The following CPQ variants were observed in gnomAD, a reference collection of about 807,000 sequenced individuals.
CPQ encodes the protein carboxypeptidase Q.
CPQ carries 37 observed loss-of-function variants against 45.7 expected under a neutral mutation model. The observed-to-expected ratio is 0.81, with a 90% CI of 0.62 to 1.07. The LOEUF (loss-of-function observed/expected upper bound fraction) is 1.07, where lower values mean the gene tolerates loss of function less well. Ranked by LOEUF, CPQ falls within the 50% of genes least tolerant of loss-of-function variation. The pLI, the probability that CPQ is intolerant of heterozygous loss-of-function variation, is 0.00. For missense variants in CPQ, 537 were observed against 572.9 expected, an observed-to-expected ratio of 0.94 and a Z score of 0.64; for synonymous variants, 186 against 205.8, an observed-to-expected ratio of 0.90 and a Z score of 0.82.
intron 2 of CPQ, among the ~76,000 whole-genome samples, chr8:96,795,375 G>A (rs539805245): frequency 6.6e-6 from 1 of 152,192 alleles, no homozygotes; most frequent in South Asian, 2.1e-4. Flanking sequence ...CTGCCCCCAT[G>A]ATTCAATTAC....
At chr8:96,824,355 T>G (rs1811350942) in intron 2 of CPQ, among the ~76,000 whole-genome samples, 1 of 152,050 alleles carries the variant, frequency 6.6e-6, no homozygotes, top group Non-Finnish European at 1.5e-5. Flanking sequence ...TAATACATGT[T>G]AAGATCTTTG....
At chr8:97,124,101 C>T (rs1811802993) in intron 7 of CPQ, among the ~76,000 whole-genome samples, 2 of 151,634 alleles carry the variant, frequency 1.3e-5, no homozygotes, top group South Asian at 2.1e-4. Context: ...TGGTGGACAC[C>T]TGTAATCCCA....
chr8:96,715,578 GAGA>G lies in CPQ; in HGVS notation c.-34-69280_-34-69278del, dbSNP rs948933436. On this transcript the variant is annotated intron_variant, in intron 1 of 7. Transcript: ENST00000220763. ...TGTATCTGCAATGGTGGATGAGGGG[GAGA>G]AGAAGTCCCCTTCTCCAAGACCCTT... is the stretch of plus-strand genomic sequence containing the variant. 4.6e-4 allele frequency among the ~76,000 whole-genome samples: 70 copies of G among 152,288 alleles called. 1 individual carries two copies. The highest frequency in any genetic ancestry group is 1.6e-3 in the African/African-American group (68 of 41,564).
rs5893410 is a variant in CPQ at position 97,101,572 on chromosome 8, CTTTT to C, written c.1255+35378_1255+35381del. Among the ~76,000 whole-genome samples the C allele has an allele frequency of 2.5e-3, 287 of 114,228 alleles. 2 individuals carry two copies. Among genetic ancestry groups the C allele is most frequent in the Non-Finnish European group, 3.2e-3 (181 of 56,840 alleles). 74.9% of individuals were successfully genotyped at this position (114,228 alleles called of 152,430 possible). A position where few individuals can be genotyped will look rare whatever the true frequency, so the allele number is the denominator to read the frequency against. On this transcript the variant is annotated intron_variant, in intron 7 of 7. Coordinates refer to ENST00000220763, the MANE Select transcript of CPQ (RefSeq NM_016134.4). ...CCAACTGAGTCTTTTTTTCTTTTTT[CTTTT>C]TTTTTTTTTTTTTTTGCCTTTTGAC...
Position 96,785,333 on chromosome 8 carries a change from A to G in CPQ, c.433+3A>G, listed in dbSNP as rs781467482. 2 of 1,576,954 alleles carry G rather than the reference A, an allele frequency of 1.3e-6. No homozygotes were observed. Among genetic ancestry groups the G allele is most frequent in the South Asian group, 1.1e-5 (1 of 87,222 alleles). On this transcript the variant is annotated splice_donor_region_variant and intron_variant, in intron 2 of 7. Coordinates refer to ENST00000220763, the MANE Select transcript of CPQ (RefSeq NM_016134.4). ...CAGCATTGGGACTCCTCCAGAAGGT[A>G]TTGTTTGTCTTTTCAGTTTGATTTG...
At chr8:96,940,555 G>C (rs559436060) in intron 4 of CPQ, among the ~76,000 whole-genome samples, 7 of 152,160 alleles carry the variant, frequency 4.6e-5, no homozygotes, top group South Asian at 2.1e-4. Context: ...AATTATTACT[G>C]TGTAGCCTGC....
In CPQ at chr8:97,100,943, G is replaced by C. The variant is rs1409956845; in HGVS notation, c.1255+34733G>C. ...TAGAAATAATTTTACAGTTCAATTT[G>C]TGTGATTAAATTATTGTATATTATA... On this transcript the variant is annotated intron_variant, in intron 7 of 7. Coordinates refer to ENST00000220763, the MANE Select transcript of CPQ (RefSeq NM_016134.4). Among the ~76,000 whole-genome samples, 3 of 152,108 alleles carry C rather than the reference G, an allele frequency of 2.0e-5. No homozygotes were observed. In the East Asian group the frequency reaches 5.8e-4, roughly 29 times the overall value.
chr8:97,048,982 C>T (rs1810308850), intron 6 of CPQ, among the ~76,000 whole-genome samples: 1 of 152,116 alleles, frequency 6.6e-6, no homozygotes, highest in Non-Finnish European at 1.5e-5. Flanking sequence ...TTCACTTGTA[C>T]ACAAAGCTGC....
intron 1 of CPQ, among the ~76,000 whole-genome samples, chr8:96,774,368 G>C: frequency 6.6e-6 from 1 of 152,132 alleles, no homozygotes; most frequent in Non-Finnish European, 1.5e-5. Context: ...AAATAGTGGG[G>C]AAACAGATGT....
intron 2 of CPQ, among the ~76,000 whole-genome samples, chr8:96,803,402 C>T (rs1586407110): frequency 6.6e-6 from 1 of 152,062 alleles, no homozygotes; most frequent in South Asian, 2.1e-4. Flanking sequence ...TTAATGGCTT[C>T]AGAAGTGGAG....
At chr8:96,803,348 A>G (rs978161357) in intron 2 of CPQ, among the ~76,000 whole-genome samples, 4 of 152,232 alleles carry the variant, frequency 2.6e-5, no homozygotes, top group African/African-American at 7.2e-5. Context: ...GAATAAGAGA[A>G]AGACTGAAGA....
intron 2 of CPQ, among the ~76,000 whole-genome samples, chr8:96,818,429 T>C (rs2130834763): frequency 6.6e-6 from 1 of 152,126 alleles, no homozygotes; most frequent in Non-Finnish European, 1.5e-5. Flanking sequence ...ATTACCTAAA[T>C]GTGACACAGA....
intron 1 of CPQ, among the ~76,000 whole-genome samples, chr8:96,775,242 A>G (rs1185739245): frequency 6.6e-6 from 1 of 152,186 alleles, no homozygotes; most frequent in African/African-American, 2.4e-5. Context: ...TTAAAAACAA[A>G]TAATTTGTAA....
At chr8:96,777,741 TA>T in intron 1 of CPQ, among the ~76,000 whole-genome samples, 5 of 11,026 alleles carry the variant, frequency 4.5e-4, no homozygotes, top group African/African-American at 1.6e-3. Context: ...TATATATATA[TA>T]TATATATATA....
At chr8:97,029,125 C>CCCTGTGAATGAGAATGCACTGGT (rs1809850338) in intron 5 of CPQ, among the ~76,000 whole-genome samples, 1 of 152,120 alleles carries the variant, frequency 6.6e-6, no homozygotes, top group African/African-American at 2.4e-5. Flanking sequence ...TTCTGCTGGG[C>CCCTGTGAATGAGAATGCACTGGT]AGGATATCAA....
intron 3 of CPQ, among the ~76,000 whole-genome samples, chr8:96,877,778 C>T (rs1202690352): frequency 6.6e-6 from 1 of 152,108 alleles, no homozygotes; most frequent in African/African-American, 2.4e-5. Flanking sequence ...ATCTTAGTTG[C>T]AAAGAATGCT....
In CPQ at chr8:96,771,861, T is replaced by C. The variant is rs139514838; in HGVS notation, c.-34-13003T>C. On this transcript the variant is annotated intron_variant, in intron 1 of 7. Coordinates refer to ENST00000220763, the MANE Select transcript of CPQ (RefSeq NM_016134.4). ...ATATTGCCTGCCTATGTTCACTTAC[T>C]ACTACATTTTTAGCAGGCATGAGTA... is the stretch of plus-strand genomic sequence containing the variant. Among the ~76,000 whole-genome samples, 982 of 152,220 alleles carry C rather than the reference T, an allele frequency of 6.5e-3. 14 individuals are homozygous for C. The highest frequency in any genetic ancestry group is 0.022 in the African/African-American group (908 of 41,536).
intron 2 of CPQ, among the ~76,000 whole-genome samples, chr8:96,809,651 T>C (rs1811133440): frequency 6.6e-6 from 1 of 152,154 alleles, no homozygotes; most frequent in African/African-American, 2.4e-5. Context: ...ATTCTATCTC[T>C]TGATTGTGGT....
chr8:97,115,403 C>G (rs1424700433), intron 7 of CPQ, among the ~76,000 whole-genome samples: 2 of 152,164 alleles, frequency 1.3e-5, no homozygotes, highest in African/African-American at 4.8e-5. Context: ...GTTAGTGGGC[C>G]TGTGTTGCTC....
Sources: allele counts gnomAD v4.1 joint callset (sites outside exome capture counted in the v4.1 genomes callset), GRCh38; gene constraint gnomAD v4.1.1; transcripts MANE v1.5; gene names NCBI Gene and HGNC (gene_info 2026-07-23, HGNC 2026-07-21).